SYNDIG1: variants seen among roughly 807,000 people sequenced by gnomAD.
SYNDIG1 encodes synapse differentiation inducing 1.
In SYNDIG1, 9 loss-of-function variants were observed where a neutral mutation model predicts 19.4. That is an observed-to-expected ratio of 0.46 (90% CI 0.28 to 0.81). The LOEUF (loss-of-function observed/expected upper bound fraction) is 0.81. SYNDIG1 is among the 30% of genes least tolerant of loss of function. SYNDIG1 has a pLI of 0.12. For missense variants in SYNDIG1, 311 were observed against 343.3 expected (o/e 0.91, Z 0.74); for synonymous variants, 141 against 145.9 (o/e 0.97, Z 0.24).
At chr20:24,539,403 T>C (rs2057423398) in intron 1 of SYNDIG1, among the ~76,000 whole-genome samples, 1 of 152,352 alleles carries the variant, frequency 6.6e-6, no homozygotes, top group Non-Finnish European at 1.5e-5. Context: ...ATCATTTGAT[T>C]GTATAAGCAA....
chr20:24,652,095 G>C (rs2059479378), intron 3 of SYNDIG1, among the ~76,000 whole-genome samples: 1 of 152,250 alleles, frequency 6.6e-6, no homozygotes, highest in Non-Finnish European at 1.5e-5. Context: ...GGAACCATTT[G>C]TTACCAGCAG....
intron 3 of SYNDIG1, among the ~76,000 whole-genome samples, chr20:24,622,484 G>A (rs1407459104): frequency 6.6e-6 from 1 of 152,194 alleles, no homozygotes; most frequent in African/African-American, 2.4e-5. Context: ...GTGAGTGGCT[G>A]GTGAGCAAGC....
intron 1 of SYNDIG1, among the ~76,000 whole-genome samples, chr20:24,523,821 G>A (rs1482708632): frequency 6.6e-6 from 1 of 152,172 alleles, no homozygotes; most frequent in Non-Finnish European, 1.5e-5. Context: ...GTGCATGCGC[G>A]CTGCCGTTCT....
intron 3 of SYNDIG1, among the ~76,000 whole-genome samples, chr20:24,657,989 G>A (rs1034593710): frequency 7.2e-5 from 11 of 152,190 alleles, no homozygotes; most frequent in African/African-American, 2.7e-4. Context: ...ATCTCGGGAG[G>A]CAGGTGTCTG....
chr20:24,533,304 GGT>G (rs2057298429), intron 1 of SYNDIG1, among the ~76,000 whole-genome samples: 1 of 152,076 alleles, frequency 6.6e-6, no homozygotes, highest in Non-Finnish European at 1.5e-5. Flanking sequence ...AGCTCTTTCT[GGT>G]GGTTTCTGCT....
chr20:24,594,903 A>G (rs1176844109), intron 3 of SYNDIG1, among the ~76,000 whole-genome samples: 2 of 152,220 alleles, frequency 1.3e-5, no homozygotes, highest in African/African-American at 4.8e-5. Flanking sequence ...TATCAGATCT[A>G]GGAGCTTTCG....
At chr20:24,626,173 C>G (rs1422541570) in intron 3 of SYNDIG1, among the ~76,000 whole-genome samples, 1 of 143,062 alleles carries the variant, frequency 7.0e-6, no homozygotes, top group Non-Finnish European at 1.6e-5. Context: ...AGGGGGCTGA[C>G]CCCCCACCTC....
intron 1 of SYNDIG1, among the ~76,000 whole-genome samples, chr20:24,541,613 C>T (rs543223481): frequency 6.6e-6 from 1 of 152,236 alleles, no homozygotes; most frequent in African/African-American, 2.4e-5. Flanking sequence ...AAGATGATGA[C>T]ACGGGGAACT....
intron 3 of SYNDIG1, among the ~76,000 whole-genome samples, chr20:24,617,435 C>A (rs1418913984): frequency 6.6e-6 from 1 of 152,250 alleles, no homozygotes; most frequent in Non-Finnish European, 1.5e-5. Context: ...GTGCCTTCCT[C>A]ACAGTCACAG....
chr20:24,507,036 A>G (rs1319064776), intron 1 of SYNDIG1, among the ~76,000 whole-genome samples: 1 of 152,224 alleles, frequency 6.6e-6, no homozygotes, highest in Non-Finnish European at 1.5e-5. Flanking sequence ...TGTAGCTTGC[A>G]TGGGAAGTGA....
At chr20:24,633,188 G>C (rs1477869958) in intron 3 of SYNDIG1, among the ~76,000 whole-genome samples, 1 of 152,142 alleles carries the variant, frequency 6.6e-6, no homozygotes, top group Non-Finnish European at 1.5e-5. Flanking sequence ...TGTCCCTCTG[G>C]TCAGAGTGCC....
intron 1 of SYNDIG1, among the ~76,000 whole-genome samples, chr20:24,481,626 G>A (rs937931852): frequency 4.6e-5 from 7 of 152,218 alleles, no homozygotes; most frequent in Admixed American, 2.6e-4. Context: ...CACTTTTGAA[G>A]GGAGGTGTGT....
chr20:24,572,210 G>A (rs1600656180), intron 2 of SYNDIG1, among the ~76,000 whole-genome samples: 1 of 152,338 alleles, frequency 6.6e-6, no homozygotes, highest in Middle Eastern at 3.4e-3. Context: ...GCGAGCAGCA[G>A]GACCTAGACC....
chr20:24,585,031 T>C (rs907172364), intron 3 of SYNDIG1, 38 bp downstream of exon 3: 2 of 1,299,768 alleles, frequency 1.5e-6, no homozygotes, highest in African/African-American at 3.3e-5. Context: ...GGTGTGCAGG[T>C]GTTCACAGGG....
chr20:24,621,520 A>G (rs1344518820), intron 3 of SYNDIG1, among the ~76,000 whole-genome samples: 1 of 152,190 alleles, frequency 6.6e-6, no homozygotes, highest in Non-Finnish European at 1.5e-5. Context: ...TCCCAAACCC[A>G]TGTGCTGATG....
At chr20:24,590,807 G>T (rs2058497487) in intron 3 of SYNDIG1, among the ~76,000 whole-genome samples, 1 of 152,158 alleles carries the variant, frequency 6.6e-6, no homozygotes, top group Non-Finnish European at 1.5e-5. Flanking sequence ...CTGAGCTGGG[G>T]ATCAAGCACC....
rs564129788 is a variant in SYNDIG1 at position 24,568,490 on chromosome 20, C to T, written c.481-16366C>T. On this transcript the variant is annotated intron_variant, in intron 2 of 3. Coordinates refer to ENST00000376862, the MANE Select transcript of SYNDIG1 (RefSeq NM_024893.3). Reference sequence around the variant, plus strand: ...CATCCTCTCATTTTTATTCCCTTCTCATAACACCTGGAGTCAAGTCTGAAC... The same window carrying T: ...CATCCTCTCATTTTTATTCCCTTCTTATAACACCTGGAGTCAAGTCTGAAC... Among the ~76,000 whole-genome samples the T allele has an allele frequency of 3.9e-5, 6 of 152,274 alleles. No homozygotes were observed. In the East Asian group the frequency reaches 9.7e-4, roughly 25 times the overall value.
At chr20:24,593,504 C>T (rs561981592) in intron 3 of SYNDIG1, among the ~76,000 whole-genome samples, 3 of 152,196 alleles carry the variant, frequency 2.0e-5, no homozygotes, top group South Asian at 4.2e-4. Flanking sequence ...AACATATGCA[C>T]GCATATGTCT....
chr20:24,578,070 A>G (rs1456738118), intron 2 of SYNDIG1, among the ~76,000 whole-genome samples: 1 of 152,374 alleles, frequency 6.6e-6, no homozygotes, highest in Admixed American at 6.5e-5. Context: ...GGGTCCTACT[A>G]TGTGCCAGGC....
Sources: gnomAD v4.1 joint callset for allele counts (sites outside exome capture counted in the v4.1 genomes callset) on GRCh38, gnomAD v4.1.1 for gene constraint, MANE v1.5 for transcripts, NCBI Gene and HGNC (gene_info 2026-07-23, HGNC 2026-07-21) for gene names.